Variants in FAM181A observed in about 807,000 individuals in gnomAD.
FAM181A encodes protein FAM181A.
FAM181A carries 7 observed loss-of-function variants against 16.3 expected under a neutral mutation model. That is an observed-to-expected ratio of 0.43 (90% CI 0.24 to 0.81). The LOEUF (loss-of-function observed/expected upper bound fraction) is 0.81, where lower values mean the gene tolerates loss of function less well. Ranked by LOEUF, FAM181A falls within the 30% of genes least tolerant of loss-of-function variation. FAM181A has a pLI of 0.24. For synonymous variants in FAM181A, 183 were observed against 164.9 expected, an observed-to-expected ratio of 1.11 and a Z score of -0.84; for missense variants, 349 against 377.5, an observed-to-expected ratio of 0.92 and a Z score of 0.63.
chr14:93,927,554 G>A lies in FAM181A; in HGVS notation c.-88+100G>A, dbSNP rs536623922. On this transcript the variant is annotated intron_variant, in intron 1 of 1. Coordinates refer to ENST00000556222, the MANE Select transcript of FAM181A (RefSeq NM_001207073.2). Reference sequence around the variant, plus strand: ...GCGAGGTGCCGTGGGTGGCGGCCGAGGAGGCATGAAATTGCTGCAGATGCT... The same window carrying A: ...GCGAGGTGCCGTGGGTGGCGGCCGAAGAGGCATGAAATTGCTGCAGATGCT... 5 of 1,286,026 alleles carry A rather than the reference G, an allele frequency of 3.9e-6. No individual in the cohort carries two copies. In the African/African-American group the frequency reaches 6.1e-5, roughly 16 times the overall value. 79.7% of individuals were successfully genotyped at this position (1,286,026 alleles called of 1,614,324 possible). A position where few individuals can be genotyped will look rare whatever the true frequency, so the allele number is the denominator to read the frequency against.
Position 93,928,720 on chromosome 14 carries a change from C to A in FAM181A, c.435C>A (p.Pro145=). 6.2e-7 allele frequency: 1 copy of A among 1,613,926 alleles called. No individual in the cohort carries two copies. The highest frequency in any genetic ancestry group is 8.5e-7 in the Non-Finnish European group (1 of 1,179,958). ...CTTCCTTCTGGGAAGAGCCAAGGCC[C>A]ACCCACAGCTACCATGTGGGGCTGG... ...LPASFWEEPR[P]THSYHVGLEG... Residue 145 remains proline (P), a synonymous_variant, in exon 2 of 2, where the codon CCC becomes CCA. Coordinates refer to ENST00000556222, the MANE Select transcript of FAM181A (RefSeq NM_001207073.2).
Position 93,928,640 on chromosome 14 carries a change from C to A in FAM181A, c.355C>A (p.His119Asn). 2.5e-6 allele frequency: 4 copies of A among 1,613,990 alleles called. No homozygotes were observed. The highest frequency in any genetic ancestry group is 3.4e-6 in the Non-Finnish European group (4 of 1,179,988). The change falls in exon 2 of 2, where the codon CAT becomes AAT. Residue 119 changes from histidine (H) to asparagine (N), a missense_variant. His to Asn is a moderately conservative substitution (Grantham distance 68, BLOSUM62 1). Coordinates refer to ENST00000556222, the MANE Select transcript of FAM181A (RefSeq NM_001207073.2). ...TAAGGAGCAGCTCCCACAGAGGCAG[C>A]ATCCAGAAGCTGCCCAGCCTGGCCA... is the stretch of plus-strand genomic sequence containing the variant. ...LAKEQLPQRQHPEAAQPGQVP... is the reference protein window; with the variant it reads ...LAKEQLPQRQNPEAAQPGQVP...
In FAM181A at chr14:93,928,495, G is replaced by A. The variant is rs777505964; in HGVS notation, c.210G>A (p.Arg70=). 55 of 1,609,892 alleles carry A rather than the reference G, an allele frequency of 3.4e-5. No homozygotes were observed. In the East Asian group the frequency reaches 1.2e-3, roughly 35 times the overall value. The change falls in exon 2 of 2, where the codon AGG becomes AGA. Residue 70 remains arginine, a synonymous_variant. Transcript: ENST00000556222. ...PGRAAEPYLK[R]GSEDRPRRLL... is the part of the protein sequence containing the mutation. ...GAGCTGCTGAGCCCTACCTGAAAAG[G>A]GGGTCTGAGGACCGGCCCAGGAGGC...
At chr14:93,925,224 G>A (rs955268492), upstream of FAM181A, 1 of 1,575,298 alleles carries the variant, frequency 6.3e-7, no homozygotes, top group South Asian at 1.1e-5. Context: ...GGTGCCGTGG[G>A]ATCTCAAGGA....
upstream of FAM181A, among the ~76,000 whole-genome samples, chr14:93,922,891 A>C (rs368786761): frequency 3.3e-5 from 5 of 152,344 alleles, no homozygotes; most frequent in East Asian, 5.8e-4. Flanking sequence ...ATTGTTTGCA[A>C]ATAAGTAGAA....
At chr14:93,924,287 G>A (rs901095964), upstream of FAM181A, among the ~76,000 whole-genome samples, 1 of 152,160 alleles carries the variant, frequency 6.6e-6, no homozygotes, top group African/African-American at 2.4e-5. Flanking sequence ...CCTGGAGGAG[G>A]GGGTGTTTGA....
chr14:93,925,294 C>A (rs761802733), upstream of FAM181A: 11 of 1,613,750 alleles, frequency 6.8e-6, no homozygotes, highest in South Asian at 9.9e-5. Context: ...GAGAGAAGAT[C>A]TTCTGGAGAG....
In FAM181A at chr14:93,928,240, G is replaced by A; in HGVS notation, c.-46G>A. On this transcript the variant is annotated 5_prime_UTR_variant, in exon 2 of 2. Transcript: ENST00000556222. The stretch of plus-strand genomic sequence containing the variant: ...TCCTTGGAGCTGCCGGCCACCAGCA[G>A]AGCCTACCCTCTTCATGGAAAGCCT... The A allele has an allele frequency of 6.2e-7, 1 of 1,613,764 alleles. No individual in the cohort carries two copies. Among genetic ancestry groups the A allele is most frequent in the Non-Finnish European group, 8.5e-7 (1 of 1,180,014 alleles).
At chr14:93,920,619 G>A (rs561949059) in intron 1 of FAM181A, among the ~76,000 whole-genome samples, 2 of 152,270 alleles carry the variant, frequency 1.3e-5, no homozygotes, top group South Asian at 2.1e-4. Context: ...AAATTCATCT[G>A]ACAAAATTTA....
chr14:93,928,911 AT>A lies in FAM181A; in HGVS notation c.627del (p.Asn209LysfsTer64). The A allele has an allele frequency of 6.2e-7, 1 of 1,614,146 alleles. No homozygotes were observed. The highest frequency in any genetic ancestry group is 8.5e-7 in the Non-Finnish European group (1 of 1,180,000). On this transcript the variant is annotated frameshift_variant, in exon 2 of 2. Transcript: ENST00000556222. LOFTEE classifies it high-confidence loss of function. ...MPGVSLVGRV[N>X]AWSCCPFQYH... Reference sequence around the variant, plus strand: ...GGGGTCTCCTTGGTGGGCCGCGTCAATGCCTGGAGTTGCTGCCCCTTCCAGT... The same window carrying A: ...GGGGTCTCCTTGGTGGGCCGCGTCAAGCCTGGAGTTGCTGCCCCTTCCAGT...
upstream of FAM181A, chr14:93,927,057 C>CACACACACACACACACAT (rs1309598915): frequency 2.9e-5 from 5 of 170,254 alleles, no homozygotes; most frequent in African/African-American, 1.2e-4. Flanking sequence ...CACACACACA[C>CACACACACACACACACAT]ACACCCCACC....
At chr14:93,925,436 A>C, upstream of FAM181A, 10 of 1,463,180 alleles carry the variant, frequency 6.8e-6, no homozygotes, top group Non-Finnish European at 9.4e-6. Context: ...CACCAGCCTC[A>C]CACAGTAGGC....
chr14:93,926,449 C>A (rs1360482175), upstream of FAM181A: 1 of 152,238 alleles, frequency 6.6e-6, no homozygotes, highest in Non-Finnish European at 1.5e-5. This position sits in a 1 kb window ranked among gnomAD's most constrained non-coding sequence, Gnocchi z 5.2. Context: ...GCTAATATGA[C>A]ACAGGAAAAT....
In FAM181A at chr14:93,928,360, G is replaced by C; in HGVS notation, c.75G>C (p.Leu25=). 6.2e-7 allele frequency: 1 copy of C among 1,613,920 alleles called. No individual in the cohort carries two copies. The highest frequency in any genetic ancestry group is 8.5e-7 in the Non-Finnish European group (1 of 1,180,030). The change falls in exon 2 of 2, where the codon CTG becomes CTC. Residue 25 remains leucine (L), a synonymous_variant. Transcript: ENST00000556222. ...NLASSDIKAA[L]DKSAPCRRSV... ...CGTCCAGCGACATCAAGGCAGCCCT[G>C]GATAAGTCCGCACCCTGCCGCCGCT...
intron 1 of FAM181A, chr14:93,927,723 C>A: frequency 1.7e-6 from 1 of 572,220 alleles, no homozygotes; most frequent in South Asian, 4.8e-5. Flanking sequence ...TGGTGCTCCT[C>A]GTGCTGGGGG....
upstream of FAM181A, chr14:93,923,447 T>C (rs1468610970): frequency 2.0e-5 from 3 of 152,210 alleles, no homozygotes; most frequent in East Asian, 5.8e-4. Flanking sequence ...TATAAGTAGA[T>C]GGTGTCTGTT....
rs771022825 is a variant in FAM181A at position 93,928,666 on chromosome 14, G to A, written c.381G>A (p.Gln127=). ...ATCCAGAAGCTGCCCAGCCTGGCCA[G>A]GTGCCCATGAGGAAAAGACAGCTGC... ...RQHPEAAQPG[Q]VPMRKRQLPA... is the part of the protein sequence containing the mutation. The change falls in exon 2 of 2, where the codon CAG becomes CAA. Residue 127 remains glutamine (Q), a synonymous_variant. Coordinates refer to ENST00000556222, the MANE Select transcript of FAM181A (RefSeq NM_001207073.2). 6.2e-7 allele frequency: 1 copy of A among 1,613,960 alleles called. No individual in the cohort carries two copies. The highest frequency in any genetic ancestry group is 1.1e-5 in the South Asian group (1 of 91,088).
rs754479121 is a variant in FAM181A at position 93,928,785 on chromosome 14, G to A, written c.500G>A (p.Gly167Asp). The A allele has an allele frequency of 1.2e-6, 2 of 1,613,854 alleles. No homozygotes were observed. The highest frequency in any genetic ancestry group is 2.7e-5 in the African/African-American group (2 of 74,934). The part of the protein sequence containing the change: ...LGPREGPPYE[G>D]KKNCKGLEPL... The stretch of plus-strand genomic sequence containing the variant: ...CCCAGGGAGGGACCTCCCTATGAGG[G>A]TAAGAAAAATTGCAAGGGCTTGGAG... The change falls in exon 2 of 2, where the codon GGT becomes GAT. Residue 167 changes from glycine to aspartate, a missense_variant. By Grantham distance (94) the Gly-to-Asp change is moderately conservative (BLOSUM62 -1). Coordinates refer to ENST00000556222, the MANE Select transcript of FAM181A (RefSeq NM_001207073.2).
upstream of FAM181A, among the ~76,000 whole-genome samples, chr14:93,922,539 A>C (rs1333657632): frequency 2.6e-5 from 4 of 152,018 alleles, no homozygotes; most frequent in Admixed American, 2.6e-4. Context: ...AAAATACAAA[A>C]ATTAGCCAGG....
Sources: gnomAD v4.1 joint callset for allele counts (sites outside exome capture counted in the v4.1 genomes callset) on GRCh38, gnomAD v4.1.1 for gene constraint, Gnocchi (gnomAD v3.1) non-coding constraint, MANE v1.5 for transcripts, NCBI Gene and HGNC (gene_info 2026-07-23, HGNC 2026-07-21) for gene names.